The following ITPR2 variants were observed in gnomAD, a reference collection of about 807,000 sequenced individuals.
ITPR2 encodes the protein inositol 1,4,5-trisphosphate-gated calcium channel ITPR2.
Under a neutral mutation model 317.1 loss-of-function variants are expected in ITPR2, and 207 were observed. That is an observed-to-expected ratio of 0.65 (90% CI 0.58 to 0.73). The LOEUF (loss-of-function observed/expected upper bound fraction) is 0.73. ITPR2 is among the 30% of genes least tolerant of loss of function. The pLI is 0.00. For synonymous variants in ITPR2, 1,156 were observed against 1,149.1 expected, an observed-to-expected ratio of 1.01 and a Z score of -0.12; for missense variants, 2,613 against 3,284.0, an observed-to-expected ratio of 0.80 and a Z score of 4.99.
At chr12:26,632,376 C>A (rs535059864) in intron 21 of ITPR2, among the ~76,000 whole-genome samples, 1 of 152,204 alleles carries the variant, frequency 6.6e-6, no homozygotes, top group Non-Finnish European at 1.5e-5. Flanking sequence ...TACTAACTGT[C>A]ATACCAATAG....
intron 9 of ITPR2, among the ~76,000 whole-genome samples, chr12:26,708,647 A>T (rs567556190): frequency 6.6e-6 from 1 of 152,326 alleles, no homozygotes; most frequent in South Asian, 2.1e-4. Context: ...ATTAATGGGT[A>T]CAAAAATATA....
chr12:26,654,144 A>T lies in ITPR2; in HGVS notation c.2590-18T>A, dbSNP rs1225338266. The T allele has an allele frequency of 8.3e-7, 1 of 1,204,824 alleles. No individual in the cohort carries two copies. The highest frequency in any genetic ancestry group is 1.1e-6 in the Non-Finnish European group (1 of 887,054). The allele number at this position is 1,204,824 out of a possible 1,614,324, so 74.6% of individuals were successfully genotyped here. A position where few individuals can be genotyped will look rare whatever the true frequency, so the allele number is the denominator to read the frequency against. Reference sequence around the variant, plus strand: ...TGGACCACCTTAATAAAAAAAAAAAAGCGGGGAGGGGGAGGGTGAAAGAGT... The same window carrying T: ...TGGACCACCTTAATAAAAAAAAAAATGCGGGGAGGGGGAGGGTGAAAGAGT... On this transcript the variant is annotated intron_variant, in intron 20 of 56. Coordinates refer to ENST00000381340, the MANE Select transcript of ITPR2 (RefSeq NM_002223.4).
chr12:26,363,467 G>A (rs1463262063), intron 55 of ITPR2, among the ~76,000 whole-genome samples: 2 of 146,366 alleles, frequency 1.4e-5, no homozygotes, highest in African/African-American at 2.5e-5. Context: ...CCTCACCCCC[G>A]ATCCCAGTGC....
chr12:26,661,430 G>C (rs1947501799), intron 15 of ITPR2, among the ~76,000 whole-genome samples: 1 of 152,200 alleles, frequency 6.6e-6, no homozygotes, highest in East Asian at 1.9e-4. Flanking sequence ...ACTGACACCA[G>C]GTAAGACATG....
At chr12:26,503,043 A>G (rs1943106978) in intron 37 of ITPR2, among the ~76,000 whole-genome samples, 1 of 152,118 alleles carries the variant, frequency 6.6e-6, no homozygotes, top group African/African-American at 2.4e-5. Flanking sequence ...TGCATTCTCA[A>G]CAGTAGTGCA....
intron 55 of ITPR2, among the ~76,000 whole-genome samples, chr12:26,357,030 G>A (rs893503679): frequency 6.6e-6 from 1 of 152,074 alleles, no homozygotes; most frequent in East Asian, 1.9e-4. Flanking sequence ...TTTATGATTG[G>A]CCAATCATAT....
intron 2 of ITPR2, among the ~76,000 whole-genome samples, chr12:26,763,602 C>T (rs931327107): frequency 9.9e-5 from 15 of 152,202 alleles, no homozygotes; most frequent in African/African-American, 3.4e-4. Context: ...AAATGAGAGG[C>T]ACTTGTGTAA....
Position 26,602,725 on chromosome 12 carries a change from T to A in ITPR2, c.3463-19A>T, listed in dbSNP as rs560290535. ...TTGATTCCTAAAAGGAACACAAATA[T>A]GTACTTTTATGCCATTTGTAGCTTT... On this transcript the variant is annotated intron_variant, in intron 26 of 56. Coordinates refer to ENST00000381340, the MANE Select transcript of ITPR2 (RefSeq NM_002223.4). 39 of 1,373,012 alleles carry A rather than the reference T, an allele frequency of 2.8e-5. No homozygotes were observed. The South Asian group carries it at 3.5e-4, about 12-fold the overall frequency. The allele number at this position is 1,373,012 out of a possible 1,614,324, so 85.1% of individuals were successfully genotyped here.
At chr12:26,490,439 T>C (rs1164996004) in intron 39 of ITPR2, among the ~76,000 whole-genome samples, 1 of 152,232 alleles carries the variant, frequency 6.6e-6, no homozygotes, top group Non-Finnish European at 1.5e-5. Context: ...GGTACAAAGA[T>C]GAATAAAACG....
intron 45 of ITPR2, among the ~76,000 whole-genome samples, chr12:26,470,215 T>A (rs1942264690): frequency 6.6e-6 from 1 of 152,218 alleles, no homozygotes; most frequent in African/African-American, 2.4e-5. Context: ...TTACACTAAA[T>A]TTTGGAATAT....
At chr12:26,433,937 A>G (rs2136714829) in intron 48 of ITPR2, among the ~76,000 whole-genome samples, 1 of 152,306 alleles carries the variant, frequency 6.6e-6, no homozygotes, top group East Asian at 1.9e-4. Flanking sequence ...TGCTTTCTGA[A>G]TTTTCTTTTA....
At chr12:26,700,684 G>T (rs188672331) in intron 9 of ITPR2, among the ~76,000 whole-genome samples, 1 of 152,182 alleles carries the variant, frequency 6.6e-6, no homozygotes, top group South Asian at 2.1e-4. Flanking sequence ...CCTTTAAACC[G>T]CAGGCTAGAG....
intron 35 of ITPR2, among the ~76,000 whole-genome samples, chr12:26,557,438 T>C (rs1004518347): frequency 4.6e-5 from 7 of 152,208 alleles, no homozygotes; most frequent in Non-Finnish European, 1.0e-4. Context: ...TGCGACACAG[T>C]CCCAGTCAAT....
At chr12:26,595,675 C>A in intron 31 of ITPR2, 85 bp from the exon 32 acceptor site, 1 of 1,140,034 alleles carries the variant, frequency 8.8e-7, no homozygotes, top group Non-Finnish European at 1.2e-6. Context: ...AACATAAAAT[C>A]TGTTAGTTTT....
intron 37 of ITPR2, among the ~76,000 whole-genome samples, chr12:26,509,613 T>A (rs1190803403): frequency 6.6e-6 from 1 of 152,192 alleles, no homozygotes; most frequent in African/African-American, 2.4e-5. Flanking sequence ...GAATGTTACA[T>A]CTGTTAGTAA....
At chr12:26,809,545 A>G (rs937941016) in intron 1 of ITPR2, among the ~76,000 whole-genome samples, 1 of 152,190 alleles carries the variant, frequency 6.6e-6, no homozygotes, top group African/African-American at 2.4e-5. Context: ...GTAAGATTTT[A>G]CCAATTCTCC....
intron 21 of ITPR2, among the ~76,000 whole-genome samples, chr12:26,635,324 T>C (rs924645007): frequency 1.3e-5 from 2 of 152,256 alleles, no homozygotes; most frequent in African/African-American, 4.8e-5. Context: ...TTAAGTCTGC[T>C]GGTATTTATT....
chr12:26,632,831 A>G (rs1264678991), intron 21 of ITPR2, among the ~76,000 whole-genome samples: 1 of 152,210 alleles, frequency 6.6e-6, no homozygotes, highest in African/African-American at 2.4e-5. Flanking sequence ...CATCATTCGT[A>G]TCATGCACAC....
At chr12:26,684,179 G>A (rs1442856180) in intron 11 of ITPR2, among the ~76,000 whole-genome samples, 1 of 152,230 alleles carries the variant, frequency 6.6e-6, no homozygotes, top group Non-Finnish European at 1.5e-5. Context: ...TTACACAGGA[G>A]ATGTAATTTG....
Sources: gnomAD v4.1 joint callset for allele counts (sites outside exome capture counted in the v4.1 genomes callset) on GRCh38, gnomAD v4.1.1 for gene constraint, MANE v1.5 for transcripts, NCBI Gene and HGNC (gene_info 2026-07-23, HGNC 2026-07-21) for gene names.